ERP44: variants seen among roughly 807,000 people sequenced by gnomAD.
ERP44 encodes endoplasmic reticulum resident protein 44.
A neutral mutation model predicts 53.4 loss-of-function variants in ERP44; 25 were observed. The observed-to-expected ratio is 0.47, with a 90% CI of 0.34 to 0.65. The LOEUF is 0.65. Ranked by LOEUF, ERP44 falls within the 30% of genes least tolerant of loss-of-function variation. The pLI is 0.01. For synonymous variants in ERP44, 145 were observed against 161.2 expected, an observed-to-expected ratio of 0.90 and a Z score of 0.76; for missense variants, 338 against 493.2, an observed-to-expected ratio of 0.69 and a Z score of 2.98.
At chr9:100,080,173 T>C (rs1438267188) in intron 1 of ERP44, among the ~76,000 whole-genome samples, 1 of 152,164 alleles carries the variant, frequency 6.6e-6, no homozygotes, top group Non-Finnish European at 1.5e-5. Context: ...ACTCTTTCCC[T>C]TTCAATTCTC....
intron 1 of ERP44, among the ~76,000 whole-genome samples, chr9:100,079,372 C>G (rs10988963): frequency 1.3e-5 from 2 of 150,958 alleles, no homozygotes; most frequent in African/African-American, 2.4e-5. Context: ...TTGTGGAACC[C>G]TGTGATTGTG....
intron 8 of ERP44, among the ~76,000 whole-genome samples, chr9:100,011,191 G>C (rs989968208): frequency 3.9e-5 from 6 of 152,108 alleles, no homozygotes; most frequent in African/African-American, 9.7e-5. Flanking sequence ...TTAAAAAGCA[G>C]AGGGAGCTTA....
chr9:100,034,836 T>A (rs1564094504), intron 4 of ERP44, among the ~76,000 whole-genome samples: 1 of 152,164 alleles, frequency 6.6e-6, no homozygotes, highest in Non-Finnish European at 1.5e-5. Flanking sequence ...ACTACAAGGC[T>A]ATGATAACCA....
At chr9:100,098,695 A>G (rs1055488815) in intron 1 of ERP44, 89 bp downstream of exon 1, 9 of 1,090,772 alleles carry the variant, frequency 8.3e-6, no homozygotes, top group Non-Finnish European at 1.3e-5. Context: ...AAGACGGAAA[A>G]GCAGGGGCAG....
chr9:100,070,554 G>A (rs904143442), intron 1 of ERP44, among the ~76,000 whole-genome samples: 1 of 152,168 alleles, frequency 6.6e-6, no homozygotes, highest in Non-Finnish European at 1.5e-5. Flanking sequence ...TTTTAGTGCA[G>A]AATGAATGTA....
chr9:100,044,979 CTTTAT>C (rs1825951561), intron 4 of ERP44, among the ~76,000 whole-genome samples: 1 of 152,096 alleles, frequency 6.6e-6, no homozygotes, highest in South Asian at 2.1e-4. Flanking sequence ...ATTTAAATTA[CTTTAT>C]TTTGACTTTC....
chr9:100,040,251 G>A (rs894862432), intron 4 of ERP44, among the ~76,000 whole-genome samples: 1 of 152,044 alleles, frequency 6.6e-6, no homozygotes, highest in Non-Finnish European at 1.5e-5. Context: ...AAATATTGAT[G>A]CAAAAATCCT....
chr9:99,986,222 A>G (rs1564083091), intron 10 of ERP44, among the ~76,000 whole-genome samples: 1 of 152,226 alleles, frequency 6.6e-6, no homozygotes, highest in Middle Eastern at 3.4e-3. Flanking sequence ...GGTTTTTACT[A>G]TCTGTCTACC....
chr9:100,073,035 C>T (rs548457950), intron 1 of ERP44, among the ~76,000 whole-genome samples: 1 of 152,236 alleles, frequency 6.6e-6, no homozygotes, highest in South Asian at 2.1e-4. Flanking sequence ...TATATGCTGC[C>T]TTTGGGCTTT....
intron 11 of ERP44, 110 bp from the exon 12 acceptor site, chr9:99,982,823 A>C (rs1292811208): frequency 3.8e-6 from 2 of 524,288 alleles, no homozygotes; most frequent in Non-Finnish European, 3.1e-6. Context: ...TTTGCTTATT[A>C]ATCAATAAAA....
At chr9:100,092,293 C>T (rs1826567804) in intron 1 of ERP44, among the ~76,000 whole-genome samples, 1 of 152,230 alleles carries the variant, frequency 6.6e-6, no homozygotes, top group South Asian at 2.1e-4. Context: ...ATGCCCCATA[C>T]ACATGTGCAA....
In ERP44 at chr9:100,098,834, G is replaced by C. The variant is rs762307834; in HGVS notation, c.7C>G (p.Pro3Ala). Residue 3 changes from proline to alanine, a missense_variant, in exon 1 of 12, where the codon CCT (proline) becomes GCT (alanine). By Grantham distance (27) the Pro-to-Ala change is conservative. Transcript: ENST00000262455. MHPAVFLSLPDLR... is the reference protein window; with the variant it reads MHAAVFLSLPDLR... ...TCGGGTAAGGATAGGAAGACGGCAG[G>C]ATGCATGGTAACGCTGGGGTCCGTG... is the stretch of plus-strand genomic sequence containing the variant. 20 of 1,613,632 alleles carry C rather than the reference G, an allele frequency of 1.2e-5. No homozygotes were observed. The highest frequency in any genetic ancestry group is 1.5e-5 in the Non-Finnish European group (18 of 1,179,710).
intron 4 of ERP44, among the ~76,000 whole-genome samples, chr9:100,047,252 C>T (rs993786734): frequency 9.2e-5 from 14 of 152,134 alleles, no homozygotes; most frequent in South Asian, 4.1e-4. Context: ...TAAGACTGCA[C>T]CAACATTAAG....
chr9:100,012,186 T>A (rs1030143395), intron 8 of ERP44, among the ~76,000 whole-genome samples: 2 of 152,120 alleles, frequency 1.3e-5, no homozygotes, highest in Non-Finnish European at 2.9e-5. Flanking sequence ...CACTCAAAAG[T>A]CTTCTATAAT....
At chr9:100,069,451 G>C (rs911021422) in intron 1 of ERP44, among the ~76,000 whole-genome samples, 1 of 151,990 alleles carries the variant, frequency 6.6e-6, no homozygotes, top group East Asian at 1.9e-4. Flanking sequence ...TAATTATATA[G>C]GTACAAAGAT....
At chr9:100,054,772 C>T (rs1193533013) in intron 3 of ERP44, among the ~76,000 whole-genome samples, 13 of 151,874 alleles carry the variant, frequency 8.6e-5, no homozygotes, top group Non-Finnish European at 4.4e-5. Flanking sequence ...TACCAAAAGA[C>T]GAAAAGGGAA....
intron 4 of ERP44, among the ~76,000 whole-genome samples, chr9:100,049,409 T>C (rs552193632): frequency 1.3e-5 from 2 of 152,134 alleles, no homozygotes; most frequent in South Asian, 2.1e-4. Context: ...AACAAATAAA[T>C]AAACAAATTT....
At chr9:100,058,323 AC>A (rs1465494513) in intron 2 of ERP44, among the ~76,000 whole-genome samples, 2 of 151,944 alleles carry the variant, frequency 1.3e-5, no homozygotes. Context: ...GCAACCTCCC[AC>A]CTTAACCTTC....
In ERP44 at chr9:100,006,625, G is replaced by A. The variant is rs1325647795; in HGVS notation, c.897C>T (p.Ala299=). The change falls in exon 10 of 12, where the codon GCC becomes GCT. Residue 299 remains alanine, a synonymous_variant. Coordinates refer to ENST00000262455, the MANE Select transcript of ERP44 (RefSeq NM_015051.3). ...GAGGATGTCTAAATTTGTCACAATC[G>A]GCATGTAAAAAGTTTATTGTACCTT... ...SEKGTINFLH[A]DCDKFRHPLL... The A allele has an allele frequency of 1.5e-5, 24 of 1,598,596 alleles. No homozygotes were observed. Among genetic ancestry groups the A allele is most frequent in the African/African-American group, 9.5e-5 (7 of 73,944 alleles).
Sources: allele counts gnomAD v4.1 joint callset (sites outside exome capture counted in the v4.1 genomes callset), GRCh38; gene constraint gnomAD v4.1.1; transcripts MANE v1.5; gene names NCBI Gene and HGNC (gene_info 2026-07-23, HGNC 2026-07-21).